Variants in MCPH1 observed in about 807,000 individuals in gnomAD.
MCPH1 encodes the protein microcephalin.
A neutral mutation model predicts 84.5 loss-of-function variants in MCPH1; 104 were observed. The ratio of observed to expected loss-of-function variants is 1.23; its 90% confidence interval spans 1.05 to 1.45. MCPH1 has a LOEUF of 1.45. MCPH1 is among the 40% of genes most tolerant of loss of function. The pLI, the probability that MCPH1 is intolerant of heterozygous loss-of-function variation, is 0.00. For missense variants in MCPH1, 1,498 were observed against 1,005.7 expected (o/e 1.49, Z -6.62); for synonymous variants, 514 against 366.8 (o/e 1.40, Z -4.58).
rs74884015 is a variant in MCPH1, at chr8:6,472,387, G to A, written c.1936-5207G>A. On this transcript the variant is annotated intron_variant, in intron 9 of 13. Coordinates refer to ENST00000344683, the MANE Select transcript of MCPH1 (RefSeq NM_024596.5). The stretch of plus-strand genomic sequence containing the variant: ...CAAATGGATCTCCTAATTATTTCAA[G>A]CATCTGTTTTTTATTAAAGTAAAAG... Among the ~76,000 whole-genome samples the A allele has an allele frequency of 5.5e-3, 837 of 152,222 alleles. 13 individuals are homozygous for A. Among genetic ancestry groups the A allele is most frequent in the African/African-American group, 0.02 (815 of 41,534 alleles).
At chr8:6,490,855 G>C (rs1005203968) in intron 11 of MCPH1, among the ~76,000 whole-genome samples, 1 of 151,558 alleles carries the variant, frequency 6.6e-6, no homozygotes, top group Non-Finnish European at 1.5e-5. Context: ...CTTTTTCTTG[G>C]GTTCTTGTTT....
At chr8:6,503,921 A>G (rs1472932100) in intron 12 of MCPH1, among the ~76,000 whole-genome samples, 1 of 152,244 alleles carries the variant, frequency 6.6e-6, no homozygotes, top group African/African-American at 2.4e-5. Context: ...TGTGAGAGAA[A>G]GAAACACAGT....
chr8:6,481,201 T>C (rs1410837197), intron 11 of MCPH1, among the ~76,000 whole-genome samples: 1 of 152,238 alleles, frequency 6.6e-6, no homozygotes, highest in African/African-American at 2.4e-5. Context: ...AGCTTTCCTC[T>C]ATGTGTGACC....
Position 6,414,782 on chromosome 8 carries a change from C to G in MCPH1, c.132C>G (p.Asn44Lys). The G allele has an allele frequency of 6.2e-7, 1 of 1,613,674 alleles. No individual in the cohort carries two copies. Among genetic ancestry groups the G allele is most frequent in the Non-Finnish European group, 8.5e-7 (1 of 1,179,802 alleles). ...DMGAKVSKTF[N>K]KQVTHVIFKD... ...GTCTACAGGTTTCAAAAACTTTTAACAAACAAGTAACTCACGTTATCTTCA... is the reference window on the plus strand; with the variant it reads ...GTCTACAGGTTTCAAAAACTTTTAAGAAACAAGTAACTCACGTTATCTTCA... Residue 44 changes from asparagine to lysine, a missense_variant, in exon 3 of 14, where the codon AAC (asparagine) becomes AAG (lysine). Coordinates refer to ENST00000344683, the MANE Select transcript of MCPH1 (RefSeq NM_024596.5).
At chr8:6,420,043 G>A (rs906894101) in intron 3 of MCPH1, among the ~76,000 whole-genome samples, 3 of 151,200 alleles carry the variant, frequency 2.0e-5, no homozygotes, top group Non-Finnish European at 4.4e-5. Context: ...TATAGGTGAT[G>A]CTGGTGAGGG....
At chr8:6,642,002 A>G (rs917239726) in intron 13 of MCPH1, among the ~76,000 whole-genome samples, 1 of 152,200 alleles carries the variant, frequency 6.6e-6, no homozygotes, top group Non-Finnish European at 1.5e-5. Flanking sequence ...CTGGGACACT[A>G]TCTTGAGCTA....
chr8:6,592,635 TTTTTTTTTG>T (rs1828577193), intron 12 of MCPH1, among the ~76,000 whole-genome samples: 1 of 139,734 alleles, frequency 7.2e-6, no homozygotes, highest in Admixed American at 7.1e-5. Flanking sequence ...TTTTTTTTTT[TTTTTTTTTG>T]TTGCTGTTGT....
intron 12 of MCPH1, among the ~76,000 whole-genome samples, chr8:6,533,562 T>G (rs1488801042): frequency 6.9e-6 from 1 of 144,092 alleles, no homozygotes; most frequent in Non-Finnish European, 1.5e-5. Context: ...TACTTAGCGT[T>G]TAGTTTCTTT....
chr8:6,631,089 A>T (rs1797127102), intron 13 of MCPH1, among the ~76,000 whole-genome samples: 1 of 152,372 alleles, frequency 6.6e-6, no homozygotes, highest in South Asian at 2.1e-4. Context: ...GAGGAAAGCC[A>T]TCTTCAAGCC....
intron 12 of MCPH1, chr8:6,562,578 T>TTTTTTTTTTTTTTTTAAA: frequency 6.1e-5 from 54 of 880,172 alleles, no homozygotes; most frequent in Non-Finnish European, 7.6e-5. Flanking sequence ...TTTTGGTTGT[T>TTTTTTTTTTTTTTTTAAA]AAAACCTGAG....
chr8:6,406,812 C>G (rs1424213367), intron 1 of MCPH1, 123 bp downstream of exon 1: 3 of 1,028,524 alleles, frequency 2.9e-6, no homozygotes, highest in Non-Finnish European at 4.4e-6. Flanking sequence ...CTGCCTGTCT[C>G]CCCCAGACCC....
At chr8:6,611,133 C>T (rs1304888920) in intron 12 of MCPH1, among the ~76,000 whole-genome samples, 1 of 137,568 alleles carries the variant, frequency 7.3e-6, no homozygotes, top group Non-Finnish European at 1.5e-5. Flanking sequence ...CACACACTCA[C>T]ACACACACAC....
At chr8:6,427,856 G>C (rs1801285466) in intron 3 of MCPH1, among the ~76,000 whole-genome samples, 1 of 150,634 alleles carries the variant, frequency 6.6e-6, no homozygotes, top group South Asian at 2.1e-4. Flanking sequence ...GCAGTGGCGT[G>C]ATCTCGGCTC....
intron 12 of MCPH1, among the ~76,000 whole-genome samples, chr8:6,505,608 ATTC>A (rs1457549521): frequency 7.8e-6 from 1 of 127,696 alleles, no homozygotes; most frequent in South Asian, 2.4e-4. Flanking sequence ...GAATATATAT[ATTC>A]TTTATATATT....
intron 5 of MCPH1, among the ~76,000 whole-genome samples, chr8:6,437,411 A>T (rs1414080493): frequency 6.6e-6 from 1 of 151,964 alleles, no homozygotes. Context: ...TTGTATTTTT[A>T]GTAGAAACAG....
chr8:6,456,383 C>G (rs1805681751), intron 9 of MCPH1, among the ~76,000 whole-genome samples: 1 of 152,234 alleles, frequency 6.6e-6, no homozygotes, highest in South Asian at 2.1e-4. Context: ...GCTCGCAACA[C>G]TGTGGCTGAG....
At chr8:6,612,524 C>G (rs890884454) in intron 12 of MCPH1, among the ~76,000 whole-genome samples, 2 of 152,224 alleles carry the variant, frequency 1.3e-5, no homozygotes, top group African/African-American at 4.8e-5. Flanking sequence ...AGCACCGGTG[C>G]CTGCCCCGCT....
intron 3 of MCPH1, 56 bp from the exon 4 acceptor site, chr8:6,431,443 T>G (rs1429314864): frequency 1.5e-6 from 2 of 1,296,316 alleles, no homozygotes; most frequent in African/African-American, 1.5e-5. Flanking sequence ...TTTAGTGCTG[T>G]GTCAATGTAT....
chr8:6,444,170 A>G (rs546909433), intron 7 of MCPH1, among the ~76,000 whole-genome samples: 12 of 152,220 alleles, frequency 7.9e-5, no homozygotes, highest in Middle Eastern at 3.4e-3. Flanking sequence ...CCTCTTCTCT[A>G]TCCCCACTGC....
Sources: gnomAD v4.1 joint callset for allele counts (sites outside exome capture counted in the v4.1 genomes callset) on GRCh38, gnomAD v4.1.1 for gene constraint, MANE v1.5 for transcripts, NCBI Gene and HGNC (gene_info 2026-07-23, HGNC 2026-07-21) for gene names.